Variants in GALNT17 observed in about 807,000 individuals in gnomAD.
The protein encoded by GALNT17 is UDP-GalNAc:polypeptide N-acetylgalactosaminyltransferase-like 3.
Under a neutral mutation model 63.7 loss-of-function variants are expected in GALNT17, and 29 were observed. That is an observed-to-expected ratio of 0.46 (90% confidence interval 0.34 to 0.62). The LOEUF (loss-of-function observed/expected upper bound fraction) is 0.62. Among genes scored for constraint, GALNT17 ranks in the 20% least tolerant of loss-of-function variants. The pLI is 0.01. For synonymous variants in GALNT17, 305 were observed against 318.3 expected, an observed-to-expected ratio of 0.96 and a Z score of 0.45; for missense variants, 603 against 799.6, an observed-to-expected ratio of 0.75 and a Z score of 2.97.
chr7:71,685,708 A>G (rs1239940634), intron 9 of GALNT17: 2 of 152,090 alleles, frequency 1.3e-5, no homozygotes, highest in Non-Finnish European at 2.9e-5. Flanking sequence ...CTGGCGATCA[A>G]TGGGATGACA....
intron 1 of GALNT17, among the ~76,000 whole-genome samples, chr7:71,166,464 C>T (rs1324989983): frequency 6.6e-6 from 1 of 152,182 alleles, no homozygotes; most frequent in Non-Finnish European, 1.5e-5. Context: ...GCATCCATCA[C>T]CCCCAAAAGA....
At chr7:71,335,167 T>C (rs1190798695) in intron 1 of GALNT17, among the ~76,000 whole-genome samples, 1 of 152,166 alleles carries the variant, frequency 6.6e-6, no homozygotes, top group African/African-American at 2.4e-5. Context: ...AGTCTTGCTC[T>C]ATTGCCCAGG....
chr7:71,404,700 T>C (rs1793297473), intron 3 of GALNT17, among the ~76,000 whole-genome samples: 1 of 152,224 alleles, frequency 6.6e-6, no homozygotes, highest in Non-Finnish European at 1.5e-5. Context: ...TATCACCATA[T>C]ATGTGGCTCC....
intron 9 of GALNT17, among the ~76,000 whole-genome samples, chr7:71,704,996 GA>G (rs1467731980): frequency 2.6e-5 from 4 of 151,792 alleles, no homozygotes; most frequent in African/African-American, 9.7e-5. Flanking sequence ...AATAACCAAA[GA>G]AAAAAATAGC....
intron 9 of GALNT17, among the ~76,000 whole-genome samples, chr7:71,694,298 GAC>G (rs1167696131): frequency 6.6e-6 from 1 of 151,736 alleles, no homozygotes; most frequent in Admixed American, 6.6e-5. Flanking sequence ...TTTGGGTGGG[GAC>G]AGAGTCAAAC....
At chr7:71,338,360 T>TAA (rs1054343792) in intron 2 of GALNT17, among the ~76,000 whole-genome samples, 132 of 149,154 alleles carry the variant, frequency 8.8e-4, no homozygotes, top group Non-Finnish European at 1.5e-3. Flanking sequence ...AATAAATAAA[T>TAA]ATATATATAT....
chr7:71,701,611 T>G (rs558469604), intron 9 of GALNT17, among the ~76,000 whole-genome samples: 10 of 151,564 alleles, frequency 6.6e-5, no homozygotes, highest in Middle Eastern at 3.4e-3. Context: ...AGTCATCCTA[T>G]CAAAAAGATG....
At chr7:71,492,172 G>A (rs1379944496) in intron 5 of GALNT17, among the ~76,000 whole-genome samples, 10 of 152,142 alleles carry the variant, frequency 6.6e-5, no homozygotes, top group Non-Finnish European at 8.8e-5. Context: ...CCAGCTACTC[G>A]GGAGGCTGAG....
intron 5 of GALNT17, among the ~76,000 whole-genome samples, chr7:71,448,979 G>T (rs1051422017): frequency 1.3e-5 from 2 of 152,046 alleles, no homozygotes; most frequent in Middle Eastern, 3.2e-3. Flanking sequence ...CTTGACTTGG[G>T]TGATGGTTTA....
chr7:71,340,261 T>C (rs78140622), intron 2 of GALNT17, among the ~76,000 whole-genome samples: 7,762 of 152,274 alleles, frequency 0.051, 269 homozygotes, highest in Non-Finnish European at 0.08. Flanking sequence ...TGGCAGAATA[T>C]GGGAGGTTTA....
intron 5 of GALNT17, among the ~76,000 whole-genome samples, chr7:71,558,533 T>C (rs183638797): frequency 6.6e-6 from 1 of 152,214 alleles, no homozygotes; most frequent in Non-Finnish European, 1.5e-5. Flanking sequence ...ACCTTTCTCT[T>C]TTTCTTTTCC....
At chr7:71,608,870 C>T (rs532533437) in intron 6 of GALNT17, among the ~76,000 whole-genome samples, 2 of 152,170 alleles carry the variant, frequency 1.3e-5, no homozygotes, top group South Asian at 2.1e-4. Context: ...CCATGAGCTC[C>T]TAGGCTCAAG....
At chr7:71,590,952 G>C (rs532994354) in intron 6 of GALNT17, among the ~76,000 whole-genome samples, 7 of 152,296 alleles carry the variant, frequency 4.6e-5, no homozygotes, top group Middle Eastern at 3.4e-3. Context: ...GTACAGACAG[G>C]GTTTCGCCAT....
At chr7:71,327,426 C>A (rs558629242) in intron 1 of GALNT17, among the ~76,000 whole-genome samples, 2 of 152,098 alleles carry the variant, frequency 1.3e-5, no homozygotes, top group Non-Finnish European at 2.9e-5. Context: ...TTTACTACCA[C>A]GAGAACAGTA....
intron 1 of GALNT17, among the ~76,000 whole-genome samples, chr7:71,298,682 A>C (rs1791128938): frequency 1.3e-5 from 2 of 150,400 alleles, no homozygotes; most frequent in African/African-American, 4.9e-5. Context: ...TAGTGCCATC[A>C]GATTTGTGCA....
intron 6 of GALNT17, among the ~76,000 whole-genome samples, chr7:71,632,929 C>T (rs1310445164): frequency 6.6e-6 from 1 of 151,570 alleles, no homozygotes; most frequent in Non-Finnish European, 1.5e-5. Flanking sequence ...CATAGCAAAA[C>T]CCTGTCTCTA....
At chr7:71,245,018 T>C (rs1412090450) in intron 1 of GALNT17, among the ~76,000 whole-genome samples, 2 of 152,058 alleles carry the variant, frequency 1.3e-5, no homozygotes, top group Non-Finnish European at 2.9e-5. Context: ...GAAATGGATG[T>C]TTCTCAGGAA....
Position 71,681,318 on chromosome 7 carries a change from G to C in GALNT17, c.1500+4012G>C, listed in dbSNP as rs548961738. On this transcript the variant is annotated intron_variant, in intron 9 of 10. Transcript: ENST00000333538. Reference sequence around the variant, plus strand: ...GGAAGGCTCACCTGGGGGTGGGAGAGGTGATATGTTTAGACTGCCTACAGC... The same window carrying C: ...GGAAGGCTCACCTGGGGGTGGGAGACGTGATATGTTTAGACTGCCTACAGC... Among the ~76,000 whole-genome samples the C allele has an allele frequency of 3.3e-5, 5 of 152,322 alleles. No homozygotes were observed. The East Asian group carries it at 9.7e-4, about 29-fold the overall frequency.
chr7:71,495,387 A>T (rs965403366), intron 5 of GALNT17, among the ~76,000 whole-genome samples: 1 of 152,216 alleles, frequency 6.6e-6, no homozygotes, highest in Non-Finnish European at 1.5e-5. Context: ...AATGACAACC[A>T]TAGCAGTTTT....
Sources: gnomAD v4.1 joint callset for allele counts (sites outside exome capture counted in the v4.1 genomes callset) on GRCh38, gnomAD v4.1.1 for gene constraint, MANE v1.5 for transcripts, NCBI Gene and HGNC (gene_info 2026-07-23, HGNC 2026-07-21) for gene names.